The following C3orf70 variants were observed in gnomAD, a reference collection of about 807,000 sequenced individuals.
The protein encoded by C3orf70 is UPF0524 protein C3orf70.
A neutral mutation model predicts 20.7 loss-of-function variants in C3orf70; 15 were observed. The ratio of observed to expected loss-of-function variants is 0.72; its 90% CI spans 0.48 to 1.11. The LOEUF (loss-of-function observed/expected upper bound fraction) is 1.11, where lower values mean the gene tolerates loss of function less well. Among genes scored for constraint, C3orf70 ranks in the 50% most tolerant of loss-of-function variants. The pLI, the probability that C3orf70 is intolerant of heterozygous loss-of-function variation, is 0.00. For synonymous variants in C3orf70, 161 were observed against 125.7 expected (o/e 1.28, Z -1.88); for missense variants, 332 against 317.6 (o/e 1.05, Z -0.34).
At chr3:185,124,469 T>C (rs138502067) in intron 1 of C3orf70, among the ~76,000 whole-genome samples, 37 of 152,288 alleles carry the variant, frequency 2.4e-4, no homozygotes, top group African/African-American at 8.7e-4. Context: ...ATTAGGACAA[T>C]GTGGCACTGG....
At chr3:185,087,957 G>C (rs1715491507) in intron 1 of C3orf70, among the ~76,000 whole-genome samples, 1 of 149,752 alleles carries the variant, frequency 6.7e-6, no homozygotes, top group Non-Finnish European at 1.5e-5. Flanking sequence ...TGCTGCGCAG[G>C]CTGGAGGGCA....
intron 1 of C3orf70, among the ~76,000 whole-genome samples, chr3:185,100,912 TAC>T (rs966915622): frequency 2.0e-5 from 3 of 152,124 alleles, no homozygotes; most frequent in Non-Finnish European, 4.4e-5. Flanking sequence ...TGAACACCTC[TAC>T]ACACATAAAC....
chr3:185,132,655 T>C (rs1377753395), intron 1 of C3orf70, among the ~76,000 whole-genome samples: 1 of 152,098 alleles, frequency 6.6e-6, no homozygotes. Flanking sequence ...AATACATATC[T>C]AATCAAAGTT....
chr3:185,148,383 CCA>C (rs1716918197), intron 1 of C3orf70, among the ~76,000 whole-genome samples: 1 of 152,192 alleles, frequency 6.6e-6, no homozygotes, highest in African/African-American at 2.4e-5. Context: ...GCACCACCAT[CCA>C]CAGCTGCATA....
chr3:185,081,674 G>T lies in C3orf70; in HGVS notation c.*1333C>A, dbSNP rs1334306699. The stretch of plus-strand genomic sequence containing the variant: ...CTGGTATAAATGGAGAGTAGAAGTA[G>T]AATTCTGAAGAGAGCTAAATAAGAA... On this transcript the variant is annotated 3_prime_UTR_variant, in exon 2 of 2. Transcript: ENST00000335012. 2 of 152,612 alleles carry T rather than the reference G, an allele frequency of 1.3e-5. No homozygotes were observed. 9.5% of individuals were successfully genotyped at this position (152,612 alleles called of 1,614,324 possible).
Position 185,152,864 on chromosome 3 carries a change from A to G in C3orf70, c.-41T>C, listed in dbSNP as rs755066932. 7 of 1,462,338 alleles carry G rather than the reference A, an allele frequency of 4.8e-6. No homozygotes were observed. The East Asian group carries it at 2.0e-4, about 42-fold the overall frequency. The allele number at this position is 1,462,338 out of a possible 1,614,324, so 90.6% of individuals were successfully genotyped here. A position where few individuals can be genotyped will look rare whatever the true frequency, so the allele number is the denominator to read the frequency against. Reference sequence around the variant, plus strand: ...GCGGAGCCGACACCGGGAGCCCGGGAGAAGCGACGTCTGGGTGGGCAGGAA... The same window carrying G: ...GCGGAGCCGACACCGGGAGCCCGGGGGAAGCGACGTCTGGGTGGGCAGGAA... On this transcript the variant is annotated 5_prime_UTR_variant, in exon 1 of 2. Transcript: ENST00000335012.
intron 1 of C3orf70, among the ~76,000 whole-genome samples, chr3:185,137,728 T>G (rs188642661): frequency 3.3e-5 from 5 of 152,278 alleles, no homozygotes; most frequent in Admixed American, 3.3e-4. Flanking sequence ...CATAAAAATT[T>G]ATGATACACA....
At chr3:185,100,818 G>A (rs189319311) in intron 1 of C3orf70, among the ~76,000 whole-genome samples, 1 of 151,472 alleles carries the variant, frequency 6.6e-6, no homozygotes, top group Admixed American at 6.6e-5. Context: ...GAAGAGAGTA[G>A]ATCCAAATAA....
rs1359764993 is a variant in C3orf70 at position 185,083,461 on chromosome 3, G to C, written c.299C>G (p.Ser100Trp). ...AAATTTCAAAAAGTGTTCGGTGAGC[G>C]AGACTGAGATCTGAATGGTGTTTGT... is the stretch of plus-strand genomic sequence containing the variant. ...EPTNTIQISVSLTEHFLKFAS... is the reference protein window; with the variant it reads ...EPTNTIQISVWLTEHFLKFAS... Residue 100 changes from serine to tryptophan, a missense_variant, in exon 2 of 2, where the codon TCG (serine) becomes TGG (tryptophan). Coordinates refer to ENST00000335012, the MANE Select transcript of C3orf70 (RefSeq NM_001025266.3). 1.9e-5 allele frequency: 31 copies of C among 1,613,992 alleles called. No individual in the cohort carries two copies. The highest frequency in any genetic ancestry group is 2.5e-5 in the Non-Finnish European group (30 of 1,180,038).
intron 1 of C3orf70, among the ~76,000 whole-genome samples, chr3:185,148,367 T>C (rs564967431): frequency 3.2e-4 from 49 of 152,340 alleles, no homozygotes; most frequent in African/African-American, 1.2e-3. Flanking sequence ...TCGTTGTTAG[T>C]GAATGGCACC....
intron 1 of C3orf70, among the ~76,000 whole-genome samples, chr3:185,109,686 T>A (rs2108595407): frequency 6.6e-6 from 1 of 152,338 alleles, no homozygotes; most frequent in East Asian, 1.9e-4. Flanking sequence ...CAGAGAACAA[T>A]TATACTTATT....
At chr3:185,141,405 C>T (rs959543604) in intron 1 of C3orf70, among the ~76,000 whole-genome samples, 4 of 151,484 alleles carry the variant, frequency 2.6e-5, no homozygotes, top group African/African-American at 9.7e-5. Context: ...AGCACTTGCA[C>T]TCTTGAACAT....
At chr3:185,099,706 C>A (rs569193472) in intron 1 of C3orf70, among the ~76,000 whole-genome samples, 2 of 152,174 alleles carry the variant, frequency 1.3e-5, no homozygotes, top group Non-Finnish European at 2.9e-5. Flanking sequence ...CAGATCCACA[C>A]ATGTCAATAC....
chr3:185,136,487 C>T (rs1716623797), intron 1 of C3orf70, among the ~76,000 whole-genome samples: 1 of 152,136 alleles, frequency 6.6e-6, no homozygotes, highest in South Asian at 2.1e-4. Context: ...CTTTGGTAGG[C>T]CAAGGCGGGT....
chr3:185,134,116 C>CTCATATATATATAT (rs71298571), intron 1 of C3orf70, among the ~76,000 whole-genome samples: 10 of 134,652 alleles, frequency 7.4e-5, no homozygotes, highest in Non-Finnish European at 1.5e-4. Flanking sequence ...AAAAATACAT[C>CTCATATATATATAT]ATATATATAT....
chr3:185,093,157 A>G (rs547074965), intron 1 of C3orf70, among the ~76,000 whole-genome samples: 2 of 152,290 alleles, frequency 1.3e-5, no homozygotes, highest in South Asian at 4.1e-4. Flanking sequence ...GATTTCAGTC[A>G]AGTAAGAGAG....
In C3orf70 at chr3:185,116,240, T is replaced by C. The variant is rs1321876478; in HGVS notation, c.197-32677A>G. On this transcript the variant is annotated intron_variant, in intron 1 of 1. Coordinates refer to ENST00000335012, the MANE Select transcript of C3orf70 (RefSeq NM_001025266.3). ...TCAGCAAAGGAAGAATGCTATTTAT[T>C]GGTACCCCTCAGGGATCTCAACACC... Among the ~76,000 whole-genome samples the C allele has an allele frequency of 2.6e-5, 4 of 152,244 alleles. No homozygotes were observed. The East Asian group carries it at 7.7e-4, about 29-fold the overall frequency.
chr3:185,146,352 A>G (rs1260318932), intron 1 of C3orf70, among the ~76,000 whole-genome samples: 2 of 128,142 alleles, frequency 1.6e-5, no homozygotes, highest in Non-Finnish European at 3.1e-5. Context: ...CAATGGCGCG[A>G]TCTTGGCTCG....
At chr3:185,094,570 C>T (rs113779802) in intron 1 of C3orf70, among the ~76,000 whole-genome samples, 2 of 151,886 alleles carry the variant, frequency 1.3e-5, no homozygotes, top group African/African-American at 4.8e-5. Flanking sequence ...TAAACCAGCA[C>T]GATGGAGCCC....
Sources: gnomAD v4.1 joint callset for allele counts (sites outside exome capture counted in the v4.1 genomes callset) on GRCh38, gnomAD v4.1.1 for gene constraint, MANE v1.5 for transcripts, NCBI Gene and HGNC (gene_info 2026-07-23, HGNC 2026-07-21) for gene names.